Variants in TMOD1 observed in about 807,000 individuals in gnomAD.
TMOD1 encodes the protein tropomodulin 1.
Under a neutral mutation model 40.6 loss-of-function variants are expected in TMOD1, and 17 were observed. The observed-to-expected ratio is 0.42, with a 90% CI of 0.29 to 0.63. The LOEUF is 0.63. Ranked by LOEUF, TMOD1 falls within the 20% of genes least tolerant of loss-of-function variation. TMOD1 has a pLI of 0.22. For synonymous variants in TMOD1, 181 were observed against 175.0 expected (o/e 1.03, Z -0.27); for missense variants, 391 against 447.6 (o/e 0.87, Z 1.14).
intron 4 of TMOD1, among the ~76,000 whole-genome samples, chr9:97,560,410 A>G (rs1830619079): frequency 6.6e-6 from 1 of 152,130 alleles, no homozygotes; most frequent in Non-Finnish European, 1.5e-5. Flanking sequence ...TAGATAAAAT[A>G]CAGTATGATC....
At chr9:97,598,165 C>G (rs1330748196) in intron 9 of TMOD1, among the ~76,000 whole-genome samples, 1 of 151,972 alleles carries the variant, frequency 6.6e-6, no homozygotes, top group African/African-American at 2.4e-5. Flanking sequence ...CCCATCTCTA[C>G]TAAAAACACA....
intron 8 of TMOD1, among the ~76,000 whole-genome samples, chr9:97,574,403 T>A (rs1017031377): frequency 6.6e-6 from 1 of 152,208 alleles, no homozygotes; most frequent in Non-Finnish European, 1.5e-5. Flanking sequence ...GGGCCTTAGC[T>A]GCCTCCCCAC....
intron 7 of TMOD1, among the ~76,000 whole-genome samples, chr9:97,567,327 G>T (rs1309738670): frequency 6.6e-6 from 1 of 152,226 alleles, no homozygotes; most frequent in East Asian, 1.9e-4. Context: ...GACTCTGCCA[G>T]ACCAACAGCT....
At position 97,601,443 on chromosome 9, in the gene TMOD1, T is replaced by C. The variant is rs1307426594; in HGVS notation, c.*1745T>C. On this transcript the variant is annotated 3_prime_UTR_variant, in exon 10 of 10. Transcript: ENST00000259365. ...TTATATGAAGCTCCCAGAGAGAACATTTAAAAGCTCAGAGAGTAAGTGCTG... is the reference window on the plus strand; with the variant it reads ...TTATATGAAGCTCCCAGAGAGAACACTTAAAAGCTCAGAGAGTAAGTGCTG... The C allele has an allele frequency of 6.9e-6, 7 of 1,019,410 alleles. No individual in the cohort carries two copies. In the South Asian group the frequency reaches 1.8e-4, roughly 26 times the overall value. The allele number at this position is 1,019,410 out of a possible 1,614,324, so 63.1% of individuals were successfully genotyped here. A position where few individuals can be genotyped will look rare whatever the true frequency, so the allele number is the denominator to read the frequency against.
chr9:97,513,714 A>T lies in TMOD1; in HGVS notation c.-48-10427A>T, dbSNP rs1829745741. On this transcript the variant is annotated intron_variant, in intron 1 of 9. Coordinates refer to ENST00000259365, the MANE Select transcript of TMOD1 (RefSeq NM_003275.4). This position sits in a 1 kb window ranked among gnomAD's most constrained non-coding sequence, Gnocchi z 4.1. ...TCACCCAGTGAATTAGGTTGTAGAAACTGAGATCCAGAGAAGTACAGCAGT... is the reference window on the plus strand; with the variant it reads ...TCACCCAGTGAATTAGGTTGTAGAATCTGAGATCCAGAGAAGTACAGCAGT... 6.6e-6 allele frequency: 1 copy of T among 152,216 alleles called. No individual in the cohort carries two copies. The highest frequency in any genetic ancestry group is 1.5e-5 in the Non-Finnish European group (1 of 68,038). The allele number at this position is 152,216 out of a possible 1,614,324, so 9.4% of individuals were successfully genotyped here. A position where few individuals can be genotyped will look rare whatever the true frequency, so the allele number is the denominator to read the frequency against.
intron 1 of TMOD1, chr9:97,516,875 AG>A: frequency 6.6e-6 from 1 of 152,212 alleles, no homozygotes; most frequent in Non-Finnish European, 1.5e-5. Flanking sequence ...TTTTAGTCTG[AG>A]AAAATGAAAA....
rs183380457 is a variant in TMOD1 at position 97,531,500 on chromosome 9, A to G, written c.120+7192A>G. Among the ~76,000 whole-genome samples the G allele has an allele frequency of 1.3e-3, 200 of 152,216 alleles. 1 individual carries two copies. The highest frequency in any genetic ancestry group is 4.5e-3 in the African/African-American group (186 of 41,516). On this transcript the variant is annotated intron_variant, in intron 2 of 9. Transcript: ENST00000259365. The stretch of plus-strand genomic sequence containing the variant: ...GTGGTGCGCAACTGTAATCCCAGCT[A>G]CTTGGGAGGCTGAGGCAGGAGAATT...
intron 9 of TMOD1, among the ~76,000 whole-genome samples, chr9:97,598,186 G>A (rs946449340): frequency 4.6e-5 from 7 of 151,938 alleles, no homozygotes; most frequent in Non-Finnish European, 8.8e-5. Flanking sequence ...AAAATTAGCC[G>A]GGTGTGGCAG....
Position 97,534,476 on chromosome 9 carries a change from T to A in TMOD1, c.120+10168T>A, listed in dbSNP as rs536574225. 2.0e-5 allele frequency among the ~76,000 whole-genome samples: 3 copies of A among 152,328 alleles called. No individual in the cohort carries two copies. In the South Asian group the frequency reaches 6.2e-4, roughly 32 times the overall value. On this transcript the variant is annotated intron_variant, in intron 2 of 9. Coordinates refer to ENST00000259365, the MANE Select transcript of TMOD1 (RefSeq NM_003275.4). Reference sequence around the variant, plus strand: ...TCTCATCCTAGACACTCCCCAACTCTGACATCTTTCATAATATGTCCCTCT... The same window carrying A: ...TCTCATCCTAGACACTCCCCAACTCAGACATCTTTCATAATATGTCCCTCT...
Position 97,557,038 on chromosome 9 carries a change from C to T in TMOD1, c.397+3638C>T, listed in dbSNP as rs574752823. The stretch of plus-strand genomic sequence containing the variant: ...ACTCATGTATTCACCTAACTGCTCA[C>T]TAAGCCAGTGCACATTATTGAACTC... On this transcript the variant is annotated intron_variant, in intron 4 of 9. Transcript: ENST00000259365. This position sits in a 1 kb window ranked among gnomAD's most constrained non-coding sequence, Gnocchi z 4.4. Among the ~76,000 whole-genome samples, 18 of 152,198 alleles carry T rather than the reference C, an allele frequency of 1.2e-4. No homozygotes were observed. The highest frequency in any genetic ancestry group is 1.9e-4 in the Non-Finnish European group (13 of 68,032).
rs143283592 is a variant in TMOD1, at chr9:97,562,820, C to T, written c.486C>T (p.Asn162=). 9.0e-5 allele frequency: 143 copies of T among 1,584,446 alleles called. No individual in the cohort carries two copies. The African/African-American group carries it at 1.8e-3, about 19-fold the overall frequency. ...SSSIMNKEGL[N]SVIKPTQYKP... ...CCATCATGAACAAGGAGGGGCTCAACAGTGAGTATGCGCCCGCCCCCAGGA... is the reference window on the plus strand; with the variant it reads ...CCATCATGAACAAGGAGGGGCTCAATAGTGAGTATGCGCCCGCCCCCAGGA... The change falls in exon 5 of 10, where the codon AAC becomes AAT. Residue 162 remains asparagine, a splice_region_variant and synonymous_variant. Transcript: ENST00000259365.
intron 8 of TMOD1, among the ~76,000 whole-genome samples, chr9:97,574,390 G>C (rs951731682): frequency 1.3e-5 from 2 of 152,200 alleles, no homozygotes; most frequent in Non-Finnish European, 2.9e-5. Flanking sequence ...TCGACTTCTC[G>C]CCGGGCCTTA....
chr9:97,502,168 A>G lies in TMOD1; in HGVS notation c.-49+365A>G, dbSNP rs889072496. On this transcript the variant is annotated intron_variant, in intron 1 of 9. Coordinates refer to ENST00000259365, the MANE Select transcript of TMOD1 (RefSeq NM_003275.4). The surrounding 1 kb of genome is among the most constrained non-coding windows in gnomAD (Gnocchi z 6.1). ...GAGGGGCGCCCCCGCCACCCGCAGGACTCCAGCGCGGCGGGGCTCTGAGCC... is the reference window on the plus strand; with the variant it reads ...GAGGGGCGCCCCCGCCACCCGCAGGGCTCCAGCGCGGCGGGGCTCTGAGCC... Among the ~76,000 whole-genome samples, 2 of 151,582 alleles carry G rather than the reference A, an allele frequency of 1.3e-5. No homozygotes were observed. Among genetic ancestry groups the G allele is most frequent in the Admixed American group, 1.3e-4 (2 of 15,264 alleles).
rs367838914 is a variant in TMOD1 at position 97,553,420 on chromosome 9, C to T, written c.397+20C>T. 6.2e-7 allele frequency: 1 copy of T among 1,613,966 alleles called. No individual in the cohort carries two copies. The highest frequency in any genetic ancestry group is 1.1e-5 in the South Asian group (1 of 91,082). ...TTGCAGGTAAGAGGCGTTCCAGGAG[C>T]TTTCCACATCCTCCAGAAGGATTTG... On this transcript the variant is annotated intron_variant, in intron 4 of 9. Transcript: ENST00000259365.
chr9:97,570,959 C>T (rs917622941), intron 8 of TMOD1, among the ~76,000 whole-genome samples: 10 of 152,256 alleles, frequency 6.6e-5, no homozygotes, highest in African/African-American at 1.7e-4. Context: ...TTGCATCTCT[C>T]GCATGCCGGT....
chr9:97,596,104 C>T (rs1215926813), intron 9 of TMOD1, among the ~76,000 whole-genome samples: 1 of 151,968 alleles, frequency 6.6e-6, no homozygotes, highest in Non-Finnish European at 1.5e-5. Flanking sequence ...GAAAAGGCTA[C>T]TCCTTTCCTC....
intron 2 of TMOD1, among the ~76,000 whole-genome samples, chr9:97,534,618 T>A (rs1359074480): frequency 6.6e-6 from 1 of 152,186 alleles, no homozygotes; most frequent in African/African-American, 2.4e-5. Flanking sequence ...AGCTGGAGCA[T>A]CAGTGTTGTG....
chr9:97,511,816 C>G (rs1349999112), intron 1 of TMOD1, among the ~76,000 whole-genome samples: 1 of 150,372 alleles, frequency 6.7e-6, no homozygotes, highest in Non-Finnish European at 1.5e-5. Context: ...AACTCCTGGC[C>G]TCAAGCGATC....
intron 8 of TMOD1, among the ~76,000 whole-genome samples, chr9:97,577,535 C>G (rs958550641): frequency 1.3e-5 from 2 of 152,084 alleles, no homozygotes; most frequent in Admixed American, 6.6e-5. Context: ...ATGCCTGTAA[C>G]CCAGCACTTT....
Sources: gnomAD v4.1 joint callset for allele counts (sites outside exome capture counted in the v4.1 genomes callset) on GRCh38, gnomAD v4.1.1 for gene constraint, Gnocchi (gnomAD v3.1) non-coding constraint, MANE v1.5 for transcripts, NCBI Gene and HGNC (gene_info 2026-07-23, HGNC 2026-07-21) for gene names.